Variants in STPG2 observed in about 807,000 individuals in gnomAD.
The protein encoded by STPG2 is sperm tail PG-rich repeat containing 2, also known as sperm-tail PG-rich repeat-containing protein 2.
Under a neutral mutation model 54.2 loss-of-function variants are expected in STPG2, and 56 were observed. The observed-to-expected ratio is 1.03, with a 90% confidence interval of 0.83 to 1.29. The LOEUF is 1.29. Ranked by LOEUF, STPG2 falls within the 50% of genes most tolerant of loss-of-function variation. The pLI, the probability that STPG2 is intolerant of heterozygous loss-of-function variation, is 0.00. For synonymous variants in STPG2, 200 were observed against 181.8 expected (o/e 1.10, Z -0.81); for missense variants, 596 against 544.9 (o/e 1.09, Z -0.93).
intron 10 of STPG2, among the ~76,000 whole-genome samples, chr4:97,584,891 A>T (rs1463078995): frequency 2.0e-5 from 3 of 151,810 alleles, no homozygotes; most frequent in Admixed American, 2.0e-4. Context: ...CAACAAAAAA[A>T]GTCCAGAACC....
At chr4:97,776,046 G>A (rs1726364438) in intron 9 of STPG2, among the ~76,000 whole-genome samples, 1 of 152,136 alleles carries the variant, frequency 6.6e-6, no homozygotes, top group Admixed American at 6.5e-5. Flanking sequence ...ACATGCATGA[G>A]CTACTGCATC....
chr4:97,903,019 C>T (rs898563639), intron 8 of STPG2, among the ~76,000 whole-genome samples: 1 of 152,056 alleles, frequency 6.6e-6, no homozygotes, highest in Non-Finnish European at 1.5e-5. Flanking sequence ...CTTAAAAAGT[C>T]AAACTCATAG....
At chr4:97,493,341 T>C (rs1214530085) in intron 4 of STPG2, among the ~76,000 whole-genome samples, 1 of 151,418 alleles carries the variant, frequency 6.6e-6, no homozygotes, top group African/African-American at 2.4e-5. Context: ...TAGTTTGTAG[T>C]GCAGCAATGG....
At chr4:98,032,285 T>C (rs2149300750) in intron 5 of STPG2, among the ~76,000 whole-genome samples, 1 of 152,228 alleles carries the variant, frequency 6.6e-6, no homozygotes, top group Middle Eastern at 3.4e-3. Flanking sequence ...AGCAGTACAA[T>C]TCACAACTGC....
At chr4:97,726,976 G>A (rs1463406) in intron 9 of STPG2, among the ~76,000 whole-genome samples, 15 of 151,774 alleles carry the variant, frequency 9.9e-5, no homozygotes, top group Non-Finnish European at 1.5e-4. Flanking sequence ...TATCTCTATA[G>A]CTTCTGTTTC....
At chr4:98,119,168 C>T (rs2865953) in intron 3 of STPG2, among the ~76,000 whole-genome samples, 59,913 of 151,628 alleles carry the variant, frequency 0.4, 12,039 homozygotes, top group Middle Eastern at 0.46. Context: ...AAAAAATATT[C>T]ACTTTACATG....
chr4:97,797,621 T>G (rs1727240546), intron 9 of STPG2, among the ~76,000 whole-genome samples: 1 of 152,214 alleles, frequency 6.6e-6, no homozygotes, highest in Non-Finnish European at 1.5e-5. Context: ...TGCATTGATG[T>G]TCATCAGGGA....
chr4:97,883,137 G>C (rs1730439116), intron 8 of STPG2, among the ~76,000 whole-genome samples: 1 of 151,422 alleles, frequency 6.6e-6, no homozygotes, highest in Non-Finnish European at 1.5e-5. Flanking sequence ...GGGCAACATA[G>C]GGAGACCTTG....
chr4:97,660,502 T>G (rs1324880372), intron 10 of STPG2, among the ~76,000 whole-genome samples: 2 of 152,210 alleles, frequency 1.3e-5, no homozygotes, highest in Non-Finnish European at 2.9e-5. Flanking sequence ...TATTAGAAAC[T>G]TCTTAAACAC....
chr4:97,486,835 A>G (rs1363423625), intron 4 of STPG2, among the ~76,000 whole-genome samples: 20 of 140,910 alleles, frequency 1.4e-4, no homozygotes, highest in Non-Finnish European at 9.1e-5. Flanking sequence ...GTGTGTATAT[A>G]TATATATATA....
intron 9 of STPG2, among the ~76,000 whole-genome samples, chr4:97,769,180 G>T (rs999230979): frequency 2.0e-5 from 3 of 152,164 alleles, no homozygotes; most frequent in Non-Finnish European, 4.4e-5. Context: ...TCAGTTGGGG[G>T]ACTTAGAGTT....
chr4:97,494,854 A>G (rs1304440128), intron 4 of STPG2, among the ~76,000 whole-genome samples: 1 of 151,614 alleles, frequency 6.6e-6, no homozygotes, highest in East Asian at 1.9e-4. Context: ...TGCCATCATA[A>G]TAATTAAATG....
intron 5 of STPG2, among the ~76,000 whole-genome samples, chr4:97,990,274 A>T (rs1397734244): frequency 1.3e-5 from 2 of 152,180 alleles, no homozygotes; most frequent in African/African-American, 4.8e-5. Flanking sequence ...CAATCAAATG[A>T]GGTCCTTGCT....
intron 4 of STPG2, among the ~76,000 whole-genome samples, chr4:97,535,769 T>C (rs1731514472): frequency 6.6e-6 from 1 of 152,184 alleles, no homozygotes; most frequent in Non-Finnish European, 1.5e-5. Context: ...TCTATGCACT[T>C]ATATTTCATG....
intron 7 of STPG2, among the ~76,000 whole-genome samples, chr4:97,945,856 C>A (rs527245953): frequency 6.6e-6 from 1 of 152,194 alleles, no homozygotes; most frequent in Non-Finnish European, 1.5e-5. Flanking sequence ...CCCAAGAGTT[C>A]ATGATCAGCC....
intron 5 of STPG2, among the ~76,000 whole-genome samples, chr4:98,041,659 C>T (rs981163353): frequency 6.6e-6 from 1 of 151,754 alleles, no homozygotes; most frequent in African/African-American, 2.4e-5. Flanking sequence ...ATGTTGAACC[C>T]TCCTTGCATT....
At chr4:97,707,767 AC>A (rs1272017413) in intron 10 of STPG2, among the ~76,000 whole-genome samples, 1 of 152,192 alleles carries the variant, frequency 6.6e-6, no homozygotes, top group African/African-American at 2.4e-5. Flanking sequence ...CAAACCTAAT[AC>A]CAAAGTAAAA....
intron 5 of STPG2, among the ~76,000 whole-genome samples, chr4:98,023,947 C>T (rs188048383): frequency 6.6e-6 from 1 of 152,288 alleles, no homozygotes; most frequent in African/African-American, 2.4e-5. Flanking sequence ...CTTTCTTTGA[C>T]TAGCAAAGGG....
chr4:97,443,249 G>A (rs554160066), intron 4 of STPG2, among the ~76,000 whole-genome samples: 17 of 152,212 alleles, frequency 1.1e-4, no homozygotes, highest in African/African-American at 4.1e-4. Flanking sequence ...ACAGCCACAA[G>A]GCGGATAAAA....
Sources: allele counts gnomAD v4.1 joint callset (sites outside exome capture counted in the v4.1 genomes callset), GRCh38; gene constraint gnomAD v4.1.1; transcripts MANE v1.5; gene names NCBI Gene and HGNC (gene_info 2026-07-23, HGNC 2026-07-21).